The following DLC1 variants were observed in gnomAD, a reference collection of about 807,000 sequenced individuals.
DLC1 encodes the protein rho GTPase-activating protein 7.
In DLC1, 54 loss-of-function variants were observed where a neutral mutation model predicts 140.3. The ratio of observed to expected loss-of-function variants is 0.38; its 90% CI spans 0.31 to 0.48. The LOEUF (loss-of-function observed/expected upper bound fraction) is 0.48. Ranked by LOEUF, DLC1 falls within the 20% of genes least tolerant of loss-of-function variation. DLC1 has a pLI of 0.96. For missense variants in DLC1, 2,536 were observed against 1,907.0 expected (o/e 1.33, Z -6.14); for synonymous variants, 986 against 728.1 (o/e 1.35, Z -5.70).
intron 5 of DLC1, among the ~76,000 whole-genome samples, chr8:13,209,962 A>G (rs1261119770): frequency 6.6e-6 from 1 of 152,190 alleles, no homozygotes; most frequent in Non-Finnish European, 1.5e-5. Flanking sequence ...TAAATGTTAA[A>G]TATGAGAATG....
In DLC1 at chr8:13,227,049, G is replaced by A. The variant is rs182618214; in HGVS notation, c.1348+78220C>T. On this transcript the variant is annotated intron_variant, in intron 5 of 17. Coordinates refer to ENST00000276297, the MANE Select transcript of DLC1 (RefSeq NM_182643.3). ...TTACTCTGTGTATGGTATAGGGGGC[G>A]GGGGCAGGGACTGACCACTGAGCTT... 1.1e-4 allele frequency among the ~76,000 whole-genome samples: 16 copies of A among 152,186 alleles called. No individual in the cohort carries two copies. The South Asian group carries it at 1.5e-3, about 14-fold the overall frequency.
At chr8:13,483,647 G>A (rs1466291552) in intron 2 of DLC1, among the ~76,000 whole-genome samples, 1 of 152,144 alleles carries the variant, frequency 6.6e-6, no homozygotes, top group Non-Finnish European at 1.5e-5. Context: ...TAAGTTTGCT[G>A]TAAAGTATGG....
chr8:13,171,042 G>A (rs1054395184), intron 5 of DLC1, among the ~76,000 whole-genome samples: 1 of 152,170 alleles, frequency 6.6e-6, no homozygotes, highest in Non-Finnish European at 1.5e-5. Context: ...GGTATGTGGA[G>A]CTATCTCATA....
At chr8:13,185,594 A>G (rs1023857729) in intron 5 of DLC1, among the ~76,000 whole-genome samples, 9 of 152,054 alleles carry the variant, frequency 5.9e-5, no homozygotes, top group African/African-American at 2.2e-4. Flanking sequence ...GGTGTGAGCC[A>G]TGGCGCCCGG....
intron 2 of DLC1, among the ~76,000 whole-genome samples, chr8:13,475,497 T>C (rs1800396057): frequency 1.3e-5 from 2 of 152,202 alleles, no homozygotes; most frequent in Admixed American, 6.5e-5. Flanking sequence ...ATGGAGATTT[T>C]TGGACTTACT....
chr8:13,455,232 G>C (rs1230410698), intron 2 of DLC1, among the ~76,000 whole-genome samples: 1 of 152,122 alleles, frequency 6.6e-6, no homozygotes, highest in Non-Finnish European at 1.5e-5. Context: ...CATTTAAGCA[G>C]ACTCTTACAT....
intron 1 of DLC1, among the ~76,000 whole-genome samples, chr8:13,524,346 C>A (rs1345915185): frequency 6.6e-6 from 1 of 151,944 alleles, no homozygotes; most frequent in East Asian, 1.9e-4. Context: ...CCATCTTGGC[C>A]AGGCTGATCT....
At position 13,337,365 on chromosome 8, in the gene DLC1, T is replaced by C. The variant is rs1833849651; in HGVS notation, c.1315-32063A>G. 2.0e-5 allele frequency among the ~76,000 whole-genome samples: 3 copies of C among 152,312 alleles called. No individual in the cohort carries two copies. The South Asian group carries it at 6.2e-4, about 32-fold the overall frequency. ...TTTCAGAATAATGGATTACCTAATTTGTAATTAAGGATGAATTTACTAATT... is the reference window on the plus strand; with the variant it reads ...TTTCAGAATAATGGATTACCTAATTCGTAATTAAGGATGAATTTACTAATT... On this transcript the variant is annotated intron_variant, in intron 4 of 17. Transcript: ENST00000276297.
intron 2 of DLC1, among the ~76,000 whole-genome samples, chr8:13,497,805 C>T (rs759615135): frequency 6.6e-5 from 10 of 152,162 alleles, no homozygotes; most frequent in East Asian, 3.9e-4. Context: ...GGAGCATTAA[C>T]ATTTTCATAA....
At chr8:13,466,121 A>G (rs1192834852) in intron 2 of DLC1, among the ~76,000 whole-genome samples, 6 of 152,188 alleles carry the variant, frequency 3.9e-5, no homozygotes, top group Non-Finnish European at 8.8e-5. Flanking sequence ...ATGTGACTCC[A>G]CAGAGCTCAC....
At chr8:13,151,587 C>A (rs561231040) in intron 5 of DLC1, among the ~76,000 whole-genome samples, 1 of 152,190 alleles carries the variant, frequency 6.6e-6, no homozygotes, top group Non-Finnish European at 1.5e-5. Flanking sequence ...TTGACTGTAG[C>A]TTTGCATATC....
At chr8:13,255,238 T>TACAATTCCCAA (rs1563201365) in intron 5 of DLC1, among the ~76,000 whole-genome samples, 175 of 152,306 alleles carry the variant, frequency 1.1e-3, no homozygotes, top group African/African-American at 3.8e-3. Flanking sequence ...CCCAAAGTGC[T>TACAATTCCCAA]GGGATTACAG....
chr8:13,175,385 C>G (rs1476192412), intron 5 of DLC1, among the ~76,000 whole-genome samples: 1 of 125,880 alleles, frequency 7.9e-6, no homozygotes, highest in African/African-American at 3.0e-5. Context: ...TAGTTTTTTT[C>G]TAATTTTGTG....
intron 6 of DLC1, among the ~76,000 whole-genome samples, chr8:13,113,251 A>C (rs2128948826): frequency 6.6e-6 from 1 of 152,314 alleles, no homozygotes; most frequent in South Asian, 2.1e-4. Context: ...AGGAAGTATA[A>C]ATTGCCAAGT....
intron 5 of DLC1, among the ~76,000 whole-genome samples, chr8:13,177,158 CA>C (rs1825801141): frequency 6.6e-6 from 1 of 152,082 alleles, no homozygotes; most frequent in South Asian, 2.1e-4. Flanking sequence ...TATTATGGGA[CA>C]ATGATATACC....
At chr8:13,356,198 C>G (rs1729156) in intron 4 of DLC1, among the ~76,000 whole-genome samples, 15,524 of 150,116 alleles carry the variant, frequency 0.1, 2,618 homozygotes, top group African/African-American at 0.35. Flanking sequence ...TTGGCATTAT[C>G]TTTACAGGAA....
chr8:13,249,491 C>T (rs1829911428), intron 5 of DLC1, among the ~76,000 whole-genome samples: 1 of 152,192 alleles, frequency 6.6e-6, no homozygotes, highest in African/African-American at 2.4e-5. Context: ...CCCACTGCCA[C>T]CGTGATCCCA....
intron 5 of DLC1, among the ~76,000 whole-genome samples, chr8:13,262,612 T>A (rs1364781203): frequency 6.6e-6 from 1 of 152,152 alleles, no homozygotes; most frequent in Non-Finnish European, 1.5e-5. Context: ...CAGGCAGGAG[T>A]GCAGTGGCAC....
intron 5 of DLC1, among the ~76,000 whole-genome samples, chr8:13,282,710 G>C (rs1437599023): frequency 6.6e-6 from 1 of 152,022 alleles, no homozygotes; most frequent in Non-Finnish European, 1.5e-5. Flanking sequence ...CAGCATTACA[G>C]CATAGAACCA....
Sources: allele counts gnomAD v4.1 joint callset (sites outside exome capture counted in the v4.1 genomes callset), GRCh38; gene constraint gnomAD v4.1.1; transcripts MANE v1.5; gene names NCBI Gene and HGNC (gene_info 2026-07-23, HGNC 2026-07-21).